The following P2RX7 variants were observed in gnomAD, a reference collection of about 807,000 sequenced individuals.
The protein encoded by P2RX7 is P2X purinoceptor 7.
In P2RX7, 62 loss-of-function variants were observed where a neutral mutation model predicts 71.6. That is an observed-to-expected ratio of 0.87 (90% CI 0.71 to 1.07). The LOEUF (loss-of-function observed/expected upper bound fraction) is 1.07. Among genes scored for constraint, P2RX7 ranks in the 50% least tolerant of loss-of-function variants. The pLI, the probability that P2RX7 is intolerant of heterozygous loss-of-function variation, is 0.00. For synonymous variants in P2RX7, 299 were observed against 283.3 expected, an observed-to-expected ratio of 1.06 and a Z score of -0.56; for missense variants, 686 against 748.5, an observed-to-expected ratio of 0.92 and a Z score of 0.97.
At chr12:121,141,551 A>G (rs1397637678) in intron 1 of P2RX7, among the ~76,000 whole-genome samples, 1 of 152,222 alleles carries the variant, frequency 6.6e-6, no homozygotes, top group East Asian at 1.9e-4. Context: ...TGCATCCCAC[A>G]GGTACTGAGA....
At chr12:121,136,803 C>T (rs769487591) in intron 1 of P2RX7, among the ~76,000 whole-genome samples, 3 of 151,752 alleles carry the variant, frequency 2.0e-5, no homozygotes, top group East Asian at 1.9e-4. Context: ...TACACCACCA[C>T]GCCCAGCTAA....
chr12:121,152,582 C>T (rs1030827172), intron 1 of P2RX7, among the ~76,000 whole-genome samples: 2 of 152,150 alleles, frequency 1.3e-5, no homozygotes, highest in African/African-American at 2.4e-5. Flanking sequence ...TGCAGTGGCG[C>T]GATCTCAGCT....
intron 12 of P2RX7, among the ~76,000 whole-genome samples, chr12:121,182,751 T>G (rs1197087098): frequency 2.0e-5 from 3 of 152,242 alleles, no homozygotes; most frequent in Non-Finnish European, 2.9e-5. Context: ...TCATAAACAC[T>G]GTACACTTAG....
intron 3 of P2RX7, among the ~76,000 whole-genome samples, chr12:121,159,417 CAAAAAAAAAAAAAA>C (rs397850013): frequency 6.1e-5 from 4 of 65,768 alleles, no homozygotes; most frequent in African/African-American, 1.2e-4. Context: ...ACTCTGTCTC[CAAAAAAAAAAAAAA>C]AAAAAAAAAG....
chr12:121,141,848 G>A (rs1874953348), intron 1 of P2RX7, among the ~76,000 whole-genome samples: 1 of 152,108 alleles, frequency 6.6e-6, no homozygotes, highest in African/African-American at 2.4e-5. Flanking sequence ...AACACTCTGT[G>A]TTATGCGTTC....
intron 2 of P2RX7, chr12:121,155,227 T>G (rs1405297491): frequency 1.4e-6 from 2 of 1,395,438 alleles, no homozygotes; most frequent in African/African-American, 1.4e-5. Context: ...GCGCTTGATT[T>G]ACCCGCAGCT....
chr12:121,153,551 G>A (rs1385035398), intron 1 of P2RX7, among the ~76,000 whole-genome samples: 3 of 152,160 alleles, frequency 2.0e-5, no homozygotes, highest in East Asian at 1.9e-4. Context: ...GGTGGTACGC[G>A]CCTGTAATCC....
At chr12:121,172,852 C>T (rs1160648474) in intron 8 of P2RX7, among the ~76,000 whole-genome samples, 6 of 152,200 alleles carry the variant, frequency 3.9e-5, no homozygotes, top group African/African-American at 1.4e-4. Context: ...GGCAGAACAT[C>T]TGCCATCTGC....
chr12:121,177,552 G>C (rs1261487165), intron 11 of P2RX7, 106 bp downstream of exon 11: 3 of 1,105,774 alleles, frequency 2.7e-6, no homozygotes, highest in East Asian at 2.4e-5. Flanking sequence ...TCCTGTAGTG[G>C]ATACGTCGCT....
chr12:121,155,219 G>A (rs1026112897), intron 2 of P2RX7: 2 of 1,415,290 alleles, frequency 1.4e-6, no homozygotes, highest in Non-Finnish European at 1.9e-6. Flanking sequence ...ATTCACTCGC[G>A]CTTGATTTAC....
At chr12:121,143,489 G>A (rs1436200098) in intron 1 of P2RX7, among the ~76,000 whole-genome samples, 1 of 151,996 alleles carries the variant, frequency 6.6e-6, no homozygotes, top group African/African-American at 2.4e-5. Context: ...GGGAGGTTGA[G>A]GCTGCAGTGA....
At position 121,135,501 on chromosome 12, in the gene P2RX7, C is replaced by G. The variant is rs955568495; in HGVS notation, c.125+2406C>G. Among the ~76,000 whole-genome samples the G allele has an allele frequency of 2.6e-5, 4 of 152,120 alleles. No homozygotes were observed. The East Asian group carries it at 7.7e-4, about 29-fold the overall frequency. On this transcript the variant is annotated intron_variant, in intron 1 of 12. Transcript: ENST00000328963. ...AAACGTGGATTCAAAAATCCTTCAC[C>G]TCTTTGAGCCTTGGTTTCATCATCT... is the stretch of plus-strand genomic sequence containing the variant.
chr12:121,155,524 C>A, intron 2 of P2RX7: 1 of 666,072 alleles, frequency 1.5e-6, no homozygotes, highest in Non-Finnish European at 2.3e-6. Flanking sequence ...TTGAGGAGTC[C>A]AAAAAACAGA....
chr12:121,178,845 A>G (rs1032105420), intron 11 of P2RX7, among the ~76,000 whole-genome samples: 11 of 151,852 alleles, frequency 7.2e-5, no homozygotes, highest in African/African-American at 2.4e-4. Flanking sequence ...GATCTCCAAG[A>G]CATTTTGTTA....
intron 1 of P2RX7, among the ~76,000 whole-genome samples, chr12:121,145,601 G>C (rs937853168): frequency 2.6e-5 from 4 of 151,872 alleles, no homozygotes; most frequent in African/African-American, 9.7e-5. Flanking sequence ...CTGCCTCCTG[G>C]GTTCAAGTGA....
intron 1 of P2RX7, among the ~76,000 whole-genome samples, chr12:121,142,468 G>C (rs1433120733): frequency 3.9e-5 from 6 of 152,108 alleles, no homozygotes; most frequent in African/African-American, 1.2e-4. Context: ...GGGACCAGAA[G>C]AAGAATACTC....
At position 121,134,616 on chromosome 12, in the gene P2RX7, T is replaced by C. The variant is rs1344389483; in HGVS notation, c.125+1521T>C. Among the ~76,000 whole-genome samples, 3 of 152,198 alleles carry C rather than the reference T, an allele frequency of 2.0e-5. No individual in the cohort carries two copies. The East Asian group carries it at 5.8e-4, about 29-fold the overall frequency. ...CATGTAGGCCAGGCTGGTCTCAAAC[T>C]CCTGACCTCAAGTGATCCGCCCACC... On this transcript the variant is annotated intron_variant, in intron 1 of 12. Transcript: ENST00000328963.
chr12:121,184,182 T>A, intron 12 of P2RX7, 123 bp from the exon 13 acceptor site: 1 of 1,213,066 alleles, frequency 8.2e-7, no homozygotes, highest in Non-Finnish European at 1.1e-6. Flanking sequence ...TATCTACACC[T>A]AATAAATGAC....
chr12:121,133,360 T>C lies in P2RX7; in HGVS notation c.125+265T>C, dbSNP rs569441261. Among the ~76,000 whole-genome samples, 44 of 152,290 alleles carry C rather than the reference T, an allele frequency of 2.9e-4. No individual in the cohort carries two copies. The South Asian group carries it at 8.5e-3, about 29-fold the overall frequency. The stretch of plus-strand genomic sequence containing the variant: ...CAGGGCGCGCAGGGCAGGGCGTGCC[T>C]GGGGAAGGTAGGAAAGCGCAGGGCA... On this transcript the variant is annotated intron_variant, in intron 1 of 12. Transcript: ENST00000328963.
Sources: gnomAD v4.1 joint callset for allele counts (sites outside exome capture counted in the v4.1 genomes callset) on GRCh38, gnomAD v4.1.1 for gene constraint, MANE v1.5 for transcripts, NCBI Gene and HGNC (gene_info 2026-07-23, HGNC 2026-07-21) for gene names.